PRKG1: variants seen among roughly 807,000 people sequenced by gnomAD.
PRKG1 encodes protein kinase cGMP-dependent 1, also known as cGMP-dependent protein kinase 1.
A neutral mutation model predicts 88.1 loss-of-function variants in PRKG1; 35 were observed. That is an observed-to-expected ratio of 0.40 (90% CI 0.30 to 0.53). The LOEUF is 0.53. Ranked by LOEUF, PRKG1 falls within the 20% of genes least tolerant of loss-of-function variation. The pLI, the probability that PRKG1 is intolerant of heterozygous loss-of-function variation, is 0.59. For synonymous variants in PRKG1, 303 were observed against 292.5 expected, an observed-to-expected ratio of 1.04 and a Z score of -0.37; for missense variants, 540 against 839.8, an observed-to-expected ratio of 0.64 and a Z score of 4.41.
intron 8 of PRKG1, among the ~76,000 whole-genome samples, chr10:52,142,488 T>C (rs1222553246): frequency 6.6e-6 from 1 of 152,130 alleles, no homozygotes; most frequent in Non-Finnish European, 1.5e-5. Context: ...TAAAATATTT[T>C]CATTGAATTA....
chr10:51,435,028 A>T (rs1588954647), intron 2 of PRKG1, among the ~76,000 whole-genome samples: 1 of 152,068 alleles, frequency 6.6e-6, no homozygotes, highest in Non-Finnish European at 1.5e-5. Context: ...CCATAAAAAA[A>T]TTTCTCTTTC....
chr10:51,122,897 T>C (rs1342412404), intron 1 of PRKG1, among the ~76,000 whole-genome samples: 1 of 152,234 alleles, frequency 6.6e-6, no homozygotes, highest in Non-Finnish European at 1.5e-5. Flanking sequence ...CTAGGTTCAA[T>C]TTTAGGCTTC....
chr10:51,343,570 T>C (rs1042885557), intron 2 of PRKG1, among the ~76,000 whole-genome samples: 1 of 152,136 alleles, frequency 6.6e-6, no homozygotes, highest in Non-Finnish European at 1.5e-5. Context: ...TAACATAATT[T>C]GGTAGATATA....
intron 3 of PRKG1, among the ~76,000 whole-genome samples, chr10:51,469,515 C>G (rs1839992124): frequency 6.6e-6 from 1 of 151,662 alleles, no homozygotes; most frequent in African/African-American, 2.4e-5. Flanking sequence ...GATTTGTTTG[C>G]TTCATAAACA....
At chr10:51,438,224 G>C (rs1564494850) in intron 2 of PRKG1, among the ~76,000 whole-genome samples, 1 of 151,722 alleles carries the variant, frequency 6.6e-6, no homozygotes, top group African/African-American at 2.4e-5. Context: ...AAGAATTACG[G>C]AATTCCCATA....
At position 51,641,778 on chromosome 10, in the gene PRKG1, A is replaced by T. The variant is rs577576719; in HGVS notation, c.593-162807A>T. 1.3e-3 allele frequency among the ~76,000 whole-genome samples: 194 copies of T among 152,114 alleles called. 1 individual carries two copies. The highest frequency in any genetic ancestry group is 6.8e-3 in the Middle Eastern group (2 of 294). On this transcript the variant is annotated intron_variant, in intron 3 of 17. Coordinates refer to ENST00000373980, the MANE Select transcript of PRKG1 (RefSeq NM_006258.4). ...TTCTTTTTAAAAATGTAGACAAATT[A>T]TATTTTTCCCCTCAACTTTTTTTCT...
At position 51,092,429 on chromosome 10, in the gene PRKG1, G is replaced by A. The variant is rs141431572; in HGVS notation, c.311+17528G>A. Among the ~76,000 whole-genome samples, 179 of 152,230 alleles carry A rather than the reference G, an allele frequency of 1.2e-3. 2 individuals are homozygous for A. In the East Asian group the frequency reaches 0.02, roughly 17 times the overall value. ...GAGGCTGAAAGCAGATGAAGAAGAC[G>A]AAATGGTCTCTAAAGTAGGTGGTCC... is the stretch of plus-strand genomic sequence containing the variant. On this transcript the variant is annotated intron_variant, in intron 1 of 17. Coordinates refer to ENST00000373980, the MANE Select transcript of PRKG1 (RefSeq NM_006258.4).
At chr10:51,348,739 C>A (rs1278802575) in intron 2 of PRKG1, among the ~76,000 whole-genome samples, 1 of 152,190 alleles carries the variant, frequency 6.6e-6, no homozygotes, top group Non-Finnish European at 1.5e-5. Flanking sequence ...GCACTTACCT[C>A]TAACATTGCC....
At position 51,628,008 on chromosome 10, in the gene PRKG1, C is replaced by CTCTTTCTT. The variant is rs762442433; in HGVS notation, c.592+160195_592+160202dup. Among the ~76,000 whole-genome samples the CTCTTTCTT allele has an allele frequency of 3.2e-4, 16 of 50,440 alleles. 1 individual carries two copies. The highest frequency in any genetic ancestry group is 1.9e-3 in the South Asian group (2 of 1,044). 33.1% of individuals were successfully genotyped at this position (50,440 alleles called of 152,430 possible). On this transcript the variant is annotated intron_variant, in intron 3 of 17. Transcript: ENST00000373980. Reference sequence around the variant, plus strand: ...TCTTTCTTTCTCTCTCTCTCTCTCTCTCTTTCTTTCTTTCTTTCTTTCTTT... The same window carrying CTCTTTCTT: ...TCTTTCTTTCTCTCTCTCTCTCTCTCTCTTTCTTTCTTTCTTTCTTTCTTTCTTTCTTT...
At chr10:51,108,190 C>T (rs1844893990) in intron 1 of PRKG1, among the ~76,000 whole-genome samples, 1 of 151,914 alleles carries the variant, frequency 6.6e-6, no homozygotes, top group Non-Finnish European at 1.5e-5. Context: ...AGAAACAATG[C>T]CAATTCTGTA....
At chr10:51,437,824 G>T (rs1838980093) in intron 2 of PRKG1, among the ~76,000 whole-genome samples, 1 of 149,720 alleles carries the variant, frequency 6.7e-6, no homozygotes, top group Admixed American at 6.7e-5. Flanking sequence ...TGTTACAACT[G>T]GGAGAGAGGG....
intron 1 of PRKG1, among the ~76,000 whole-genome samples, chr10:51,097,181 A>G (rs1328430086): frequency 6.6e-6 from 1 of 152,116 alleles, no homozygotes; most frequent in South Asian, 2.1e-4. Context: ...GTAGGGGTCC[A>G]TATAGGAGGA....
chr10:52,292,104 G>C (rs1475863344), intron 17 of PRKG1, among the ~76,000 whole-genome samples: 3 of 151,974 alleles, frequency 2.0e-5, no homozygotes, highest in African/African-American at 7.3e-5. Context: ...TTTTTGATGG[G>C]GTTGTTTGTT....
chr10:51,917,409 A>C (rs2132970675), intron 5 of PRKG1, among the ~76,000 whole-genome samples: 1 of 152,222 alleles, frequency 6.6e-6, no homozygotes, highest in African/African-American at 2.4e-5. Flanking sequence ...ACAACTCTGA[A>C]TATACCGAAA....
chr10:51,060,273 TGTTTA>T (rs1353427860), intron 1 of PRKG1, among the ~76,000 whole-genome samples: 6 of 152,118 alleles, frequency 3.9e-5, no homozygotes, highest in Admixed American at 1.3e-4. Context: ...TGGAGTAATC[TGTTTA>T]GTTTATTTAC....
intron 2 of PRKG1, among the ~76,000 whole-genome samples, chr10:51,400,167 AGAGCAAT>A (rs1308888959): frequency 6.6e-6 from 1 of 152,204 alleles, no homozygotes; most frequent in Non-Finnish European, 1.5e-5. Context: ...TGGGAAAGAA[AGAGCAAT>A]GATTAAGACA....
intron 3 of PRKG1, among the ~76,000 whole-genome samples, chr10:51,718,888 T>C (rs1269258558): frequency 6.6e-6 from 1 of 150,924 alleles, no homozygotes; most frequent in African/African-American, 2.4e-5. Flanking sequence ...GGCTCATGCC[T>C]GTAATCTCTG....
chr10:52,073,839 TA>T (rs535985925), intron 7 of PRKG1, among the ~76,000 whole-genome samples: 3 of 152,152 alleles, frequency 2.0e-5, no homozygotes, highest in African/African-American at 7.2e-5. Flanking sequence ...ACATAATGCA[TA>T]AAAAAATTAT....
chr10:52,074,385 A>T (rs1027935580), intron 7 of PRKG1, among the ~76,000 whole-genome samples: 2 of 152,192 alleles, frequency 1.3e-5, no homozygotes, highest in African/African-American at 4.8e-5. Context: ...TGGTTTATTT[A>T]TCTCTACTGT....
Sources: gnomAD v4.1 joint callset for allele counts (sites outside exome capture counted in the v4.1 genomes callset) on GRCh38, gnomAD v4.1.1 for gene constraint, MANE v1.5 for transcripts, NCBI Gene and HGNC (gene_info 2026-07-23, HGNC 2026-07-21) for gene names.